Variants in TUT4 observed in about 807,000 individuals in gnomAD.
TUT4 encodes the protein terminal uridylyl transferase 4.
A neutral mutation model predicts 192.2 loss-of-function variants in TUT4; 36 were observed. The observed-to-expected ratio is 0.19, with a 90% confidence interval of 0.14 to 0.25. The LOEUF is 0.25. Among genes scored for constraint, TUT4 ranks in the 10% least tolerant of loss-of-function variants. TUT4 has a pLI of 1.00. For synonymous variants in TUT4, 618 were observed against 666.0 expected (o/e 0.93, Z 1.11); for missense variants, 1,493 against 1,957.2 (o/e 0.76, Z 4.47).
chr1:52,509,047 C>T lies in TUT4; in HGVS notation c.999+549G>A, dbSNP rs543924148. On this transcript the variant is annotated intron_variant, in intron 4 of 29. Transcript: ENST00000257177. ...GCCTAAAGACTTTTAATTCATGCTG[C>T]TTTTTGTGTAAAATGCTCTCCCACT... is the stretch of plus-strand genomic sequence containing the variant. Among the ~76,000 whole-genome samples the T allele has an allele frequency of 2.0e-4, 31 of 152,254 alleles. 2 individuals carry two copies. The South Asian group carries it at 6.0e-3, about 30-fold the overall frequency.
rs774989088 is a variant in TUT4, at chr1:52,526,327, G to A, written c.-47C>T. 11 of 1,423,086 alleles carry A rather than the reference G, an allele frequency of 7.7e-6. No homozygotes were observed. Among genetic ancestry groups the A allele is most frequent in the Non-Finnish European group, 1.0e-5 (11 of 1,093,494 alleles). 88.2% of individuals were successfully genotyped at this position (1,423,086 alleles called of 1,614,324 possible). On this transcript the variant is annotated 5_prime_UTR_variant, in exon 2 of 30. Coordinates refer to ENST00000257177, the MANE Select transcript of TUT4 (RefSeq NM_001009881.3). ...CCAATTGTGATATTATAAAATGGCAGATCTCCAGTAGTTTAAATTGCTTCA... is the reference window on the plus strand; with the variant it reads ...CCAATTGTGATATTATAAAATGGCAAATCTCCAGTAGTTTAAATTGCTTCA...
At chr1:52,459,742 G>A (rs1429687713) in intron 19 of TUT4, among the ~76,000 whole-genome samples, 4 of 151,970 alleles carry the variant, frequency 2.6e-5, no homozygotes, top group African/African-American at 9.7e-5. Context: ...TTAGCCAGGC[G>A]TGGTAGCAGG....
At chr1:52,485,142 C>A (rs1434751236) in intron 9 of TUT4, among the ~76,000 whole-genome samples, 1 of 152,190 alleles carries the variant, frequency 6.6e-6, no homozygotes, top group African/African-American at 2.4e-5. Flanking sequence ...TGGATTTGTT[C>A]AGATTTTGCT....
chr1:52,492,203 T>C (rs1671332002), intron 7 of TUT4, among the ~76,000 whole-genome samples: 1 of 152,146 alleles, frequency 6.6e-6, no homozygotes, highest in Non-Finnish European at 1.5e-5. Flanking sequence ...TACCTTTATA[T>C]GATACACTGT....
intron 1 of TUT4, among the ~76,000 whole-genome samples, chr1:52,531,331 T>C (rs1683346544): frequency 6.6e-6 from 1 of 151,838 alleles, no homozygotes; most frequent in African/African-American, 2.4e-5. Context: ...GCTAAGACGA[T>C]CCTCCCAGCT....
chr1:52,491,988 A>G (rs995175407), intron 7 of TUT4, among the ~76,000 whole-genome samples: 1 of 152,186 alleles, frequency 6.6e-6, no homozygotes, highest in African/African-American at 2.4e-5. Context: ...AATCAGACTG[A>G]GTTTTATAAG....
chr1:52,431,462 T>C lies in TUT4; in HGVS notation c.4264-2A>G. ...AGGAGAATAAGATGGTGATTCAGAC[T>C]GCAGACAAAAAAAAAATTTTTTTTA... On this transcript the variant is annotated splice_acceptor_variant, in intron 27 of 29. Coordinates refer to ENST00000257177, the MANE Select transcript of TUT4 (RefSeq NM_001009881.3). LOFTEE classifies it high-confidence loss of function. The C allele has an allele frequency of 6.6e-7, 1 of 1,519,164 alleles. No homozygotes were observed. The highest frequency in any genetic ancestry group is 8.8e-7 in the Non-Finnish European group (1 of 1,133,970). The allele number at this position is 1,519,164 out of a possible 1,614,324, so 94.1% of individuals were successfully genotyped here.
At chr1:52,515,654 T>C (rs969498471) in intron 3 of TUT4, 5 of 603,974 alleles carry the variant, frequency 8.3e-6, no homozygotes, top group South Asian at 2.2e-5. Flanking sequence ...GGATAGACCA[T>C]AGTTTGCCAA....
chr1:52,518,345 T>C (rs1207936966), intron 2 of TUT4, among the ~76,000 whole-genome samples: 1 of 152,228 alleles, frequency 6.6e-6, no homozygotes, highest in Non-Finnish European at 1.5e-5. Flanking sequence ...TTCTGGAGAC[T>C]GGAAAGTCAA....
chr1:52,499,528 G>A (rs971897203), intron 4 of TUT4, among the ~76,000 whole-genome samples: 3 of 152,032 alleles, frequency 2.0e-5, no homozygotes, highest in Non-Finnish European at 2.9e-5. Flanking sequence ...TTGAGCCCAA[G>A]AGTTTGAGAC....
intron 25 of TUT4, chr1:52,437,259 GAA>G: frequency 3.5e-6 from 1 of 283,084 alleles, no homozygotes; most frequent in Non-Finnish European, 6.5e-6. Flanking sequence ...GTTTTAAAAA[GAA>G]ATTGAGGCTT....
intron 1 of TUT4, among the ~76,000 whole-genome samples, chr1:52,539,868 T>G (rs922716190): frequency 6.7e-6 from 1 of 150,218 alleles, no homozygotes; most frequent in Non-Finnish European, 1.5e-5. Flanking sequence ...ATTATGCCAT[T>G]GCACTTTGGC....
intron 28 of TUT4, among the ~76,000 whole-genome samples, chr1:52,428,187 T>A (rs934795147): frequency 6.6e-6 from 1 of 152,156 alleles, no homozygotes; most frequent in Non-Finnish European, 1.5e-5. Flanking sequence ...AATAAATCGA[T>A]AATAGGAATA....
Position 52,490,754 on chromosome 1 carries a change from C to T in TUT4, c.1366G>A (p.Val456Met). 1 of 1,611,468 alleles carries T rather than the reference C, an allele frequency of 6.2e-7. No homozygotes were observed. Residue 456 changes from valine to methionine, a missense_variant, in exon 8 of 30, where the codon GTG becomes ATG. By Grantham distance (21) the Val-to-Met change is conservative. Transcript: ENST00000257177. ...AACCTTTTTCGATCTCTGCACACCA[C>T]AACAGGAACTTTAGCGTGAAAATCA... is the stretch of plus-strand genomic sequence containing the variant. ...ESDFHAKVPV[V>M]VCRDRKSGLL...
At position 52,487,383 on chromosome 1, in the gene TUT4, T is replaced by G. The variant is rs1570848596; in HGVS notation, c.1515+1526A>C. 2.0e-5 allele frequency among the ~76,000 whole-genome samples: 3 copies of G among 151,348 alleles called. No individual in the cohort carries two copies. The South Asian group carries it at 6.3e-4, about 32-fold the overall frequency. On this transcript the variant is annotated intron_variant, in intron 9 of 29. Coordinates refer to ENST00000257177, the MANE Select transcript of TUT4 (RefSeq NM_001009881.3). ...AGGAGGATCGCTTGAGCCTGGGAGG[T>G]CGAGGCTACTGTTAGCCGTGATCGC...
intron 2 of TUT4, among the ~76,000 whole-genome samples, chr1:52,519,644 G>A (rs1016092896): frequency 6.6e-6 from 1 of 151,708 alleles, no homozygotes; most frequent in African/African-American, 2.4e-5. Flanking sequence ...CAAGAAGCTG[G>A]GATTACAGGC....
chr1:52,507,742 T>G (rs1430267821), intron 4 of TUT4, among the ~76,000 whole-genome samples: 2 of 152,028 alleles, frequency 1.3e-5, no homozygotes, highest in Admixed American at 6.6e-5. Flanking sequence ...TCTGAAAAAA[T>G]CCAAAATACT....
At chr1:52,492,150 G>C (rs1367058321) in intron 7 of TUT4, among the ~76,000 whole-genome samples, 1 of 151,868 alleles carries the variant, frequency 6.6e-6, no homozygotes. Context: ...AAAGTTTTTC[G>C]GCAATTAGAA....
rs752571278 is a variant in TUT4, at chr1:52,527,306, G to C, written c.-93-933C>G. 3.6e-4 allele frequency among the ~76,000 whole-genome samples: 55 copies of C among 152,204 alleles called. 1 individual carries two copies. Among genetic ancestry groups the C allele is most frequent in the Admixed American group, 1.3e-4 (2 of 15,280 alleles). ...CTCATGCCTGTAATCCCAACACTTT[G>C]GGAGGCCAAGGCGGGCGGATCACGA... On this transcript the variant is annotated intron_variant, in intron 1 of 29. Coordinates refer to ENST00000257177, the MANE Select transcript of TUT4 (RefSeq NM_001009881.3).
Sources: gnomAD v4.1 joint callset for allele counts (sites outside exome capture counted in the v4.1 genomes callset) on GRCh38, gnomAD v4.1.1 for gene constraint, MANE v1.5 for transcripts, NCBI Gene and HGNC (gene_info 2026-07-23, HGNC 2026-07-21) for gene names.